Variants in PHKG1 observed in about 807,000 individuals in gnomAD.
PHKG1 encodes the protein phosphorylase kinase catalytic subunit gamma 1.
In PHKG1, 48 loss-of-function variants were observed where a neutral mutation model predicts 50.5. That is an observed-to-expected ratio of 0.95 (90% confidence interval 0.75 to 1.21). The LOEUF (loss-of-function observed/expected upper bound fraction) is 1.21, where lower values mean the gene tolerates loss of function less well. Among genes scored for constraint, PHKG1 ranks in the 50% most tolerant of loss-of-function variants. PHKG1 has a pLI of 0.00. For missense variants in PHKG1, 487 were observed against 519.5 expected (o/e 0.94, Z 0.61); for synonymous variants, 204 against 212.8 (o/e 0.96, Z 0.36).
chr7:56,083,238 AC>A, intron 6 of PHKG1, 39 bp downstream of exon 6: 1 of 1,596,484 alleles, frequency 6.3e-7, no homozygotes, highest in Non-Finnish European at 8.6e-7. Flanking sequence ...TTGATTGAGC[AC>A]CCGAGGCCTG....
At position 56,081,722 on chromosome 7, in the gene PHKG1, G is replaced by A. The variant is rs545839626; in HGVS notation, c.826C>T (p.Arg276Cys). Residue 276 changes from arginine (R) to cysteine (C), a missense_variant, in exon 9 of 10, where the codon CGC becomes TGC. By Grantham distance (180) the Arg-to-Cys change is radical. Transcript: ENST00000297373. The surrounding 1 kb of genome is among the most constrained non-coding windows in gnomAD (Gnocchi z 4.6). ...GCCAAGGCCTCTTCCGCTGTGTAGC[G>A]GTTCTGGGGTTGCACCACCAGGAAT... ...SRFLVVQPQN[R>C]YTAEEALAHP... 4.1e-5 allele frequency: 66 copies of A among 1,613,868 alleles called. 1 individual carries two copies. The highest frequency in any genetic ancestry group is 1.5e-4 in the South Asian group (14 of 91,078).
intron 1 of PHKG1, among the ~76,000 whole-genome samples, chr7:56,091,202 G>A (rs534710290): frequency 6.6e-6 from 1 of 151,866 alleles, no homozygotes; most frequent in Admixed American, 6.6e-5. Flanking sequence ...GACGGAGTGA[G>A]TGAGACTCTG....
intron 1 of PHKG1, among the ~76,000 whole-genome samples, chr7:56,090,771 A>T (rs543128776): frequency 5.9e-5 from 9 of 152,190 alleles, no homozygotes; most frequent in Admixed American, 2.6e-4. Context: ...CTACTTAACA[A>T]TGGCCAGTGA....
chr7:56,092,501 G>GA (rs1352552822), intron 1 of PHKG1, among the ~76,000 whole-genome samples: 3 of 152,172 alleles, frequency 2.0e-5, no homozygotes, highest in African/African-American at 7.2e-5. Flanking sequence ...TTGAACTCCT[G>GA]ACCTCAAGTG....
intron 4 of PHKG1, among the ~76,000 whole-genome samples, chr7:56,084,696 A>G (rs552971385): frequency 6.6e-6 from 1 of 152,090 alleles, no homozygotes; most frequent in African/African-American, 2.4e-5. Context: ...TTTTCCCAGG[A>G]AACAAATGGG....
At chr7:56,083,481 G>A in intron 5 of PHKG1, 40 bp from the exon 6 acceptor site, 1 of 1,608,748 alleles carries the variant, frequency 6.2e-7, no homozygotes, top group Non-Finnish European at 8.5e-7. Flanking sequence ...CCTCTGCTCA[G>A]GGTCAGGTAA....
Position 56,081,245 on chromosome 7 carries a change from C to G in PHKG1, c.973G>C (p.Val325Leu). The G allele has an allele frequency of 6.2e-7, 1 of 1,613,402 alleles. No individual in the cohort carries two copies. Among genetic ancestry groups the G allele is most frequent in the African/African-American group, 1.3e-5 (1 of 75,058 alleles). ...ACGATCTCCCGGGTCACAGGCTTCA[C>G]CCGGCGGTACTGGTAGTAGATCCGC... ...SVRIYYQYRRVKPVTREIVIR... is the reference protein window; with the variant it reads ...SVRIYYQYRRLKPVTREIVIR... The change falls in exon 10 of 10, where the codon GTG becomes CTG. Residue 325 changes from valine to leucine, a missense_variant. Transcript: ENST00000297373. This position sits in a 1 kb window ranked among gnomAD's most constrained non-coding sequence, Gnocchi z 4.6.
At position 56,082,264 on chromosome 7, in the gene PHKG1, A is replaced by G; in HGVS notation, c.548-11T>C. On this transcript the variant is annotated splice_polypyrimidine_tract_variant and intron_variant, in intron 6 of 9. Transcript: ENST00000297373. ...GGGTCCCGCAGACCTCTGCAGGAAC[A>G]GTCATCATCAGGGCAGGTCAGCAGG... 6.2e-7 allele frequency: 1 copy of G among 1,606,368 alleles called. No individual in the cohort carries two copies.
intron 4 of PHKG1, among the ~76,000 whole-genome samples, chr7:56,085,510 A>ATGATGGTGATGATGGTGG (rs1485015523): frequency 1.3e-5 from 2 of 152,220 alleles, no homozygotes; most frequent in Non-Finnish European, 2.9e-5. Flanking sequence ...CAGGGGCATG[A>ATGATGGTGATGATGGTGG]TGATGGTGAT....
chr7:56,089,319 G>A (rs576117702), intron 1 of PHKG1, among the ~76,000 whole-genome samples: 5 of 151,030 alleles, frequency 3.3e-5, no homozygotes, highest in African/African-American at 9.7e-5. Context: ...AGAATCGCTT[G>A]AACCCAGGAG....
chr7:56,087,059 A>C, intron 3 of PHKG1, 35 bp from the exon 4 acceptor site: 2 of 1,575,194 alleles, frequency 1.3e-6, no homozygotes, highest in Non-Finnish European at 1.7e-6. Flanking sequence ...CTCAAGTAGC[A>C]GGGGAGCCCA....
Position 56,087,624 on chromosome 7 carries a change from C to A in PHKG1, c.236G>T (p.Arg79Leu). ...EATLKEVDIL[R>L]KVSGHPNIIQ... ...GATGTTGGGGTGCCCTGAGACCTTGCGCAGGATGTCCACCTCCTTCAGCGT... is the reference window on the plus strand; with the variant it reads ...GATGTTGGGGTGCCCTGAGACCTTGAGCAGGATGTCCACCTCCTTCAGCGT... Residue 79 changes from arginine (R) to leucine (L), a missense_variant, in exon 3 of 10, where the codon CGC (arginine) becomes CTC (leucine). Physicochemically the swap from Arg to Leu is moderately radical, Grantham distance 102 (BLOSUM62 -2). Coordinates refer to ENST00000297373, the MANE Select transcript of PHKG1 (RefSeq NM_006213.5). The A allele has an allele frequency of 6.2e-7, 1 of 1,613,828 alleles. No homozygotes were observed. The highest frequency in any genetic ancestry group is 8.5e-7 in the Non-Finnish European group (1 of 1,179,956).
intron 6 of PHKG1, 59 bp downstream of exon 6, chr7:56,083,219 T>C: frequency 2.0e-6 from 3 of 1,503,692 alleles, no homozygotes; most frequent in South Asian, 1.1e-5. Context: ...ATCTCTATTC[T>C]GCAGATGGTT....
chr7:56,089,151 T>C (rs1048581552), intron 1 of PHKG1, among the ~76,000 whole-genome samples, 176 bp from the exon 2 acceptor site: 1 of 152,060 alleles, frequency 6.6e-6, no homozygotes. Flanking sequence ...ACACCTATAA[T>C]CCCAGACTTT....
intron 4 of PHKG1, chr7:56,084,059 C>T: frequency 1.4e-6 from 1 of 716,512 alleles, no homozygotes. Context: ...GTCCCCTCCC[C>T]AGGTTCCCAT....
chr7:56,081,247 C>T lies in PHKG1; in HGVS notation c.971G>A (p.Arg324Gln), dbSNP rs138170417. Residue 324 changes from arginine (R) to glutamine (Q), a missense_variant, in exon 10 of 10, where the codon CGG (arginine) becomes CAG (glutamine). Transcript: ENST00000297373. The surrounding 1 kb of genome is among the most constrained non-coding windows in gnomAD (Gnocchi z 4.6). ...ASVRIYYQYRRVKPVTREIVI... is the reference protein window; with the variant it reads ...ASVRIYYQYRQVKPVTREIVI... ...GATCTCCCGGGTCACAGGCTTCACC[C>T]GGCGGTACTGGTAGTAGATCCGCAC... 119 of 1,613,170 alleles carry T rather than the reference C, an allele frequency of 7.4e-5. No homozygotes were observed. Among genetic ancestry groups the T allele is most frequent in the Non-Finnish European group, 8.6e-5 (102 of 1,179,944 alleles).
At chr7:56,092,689 C>T (rs548838304) in intron 1 of PHKG1, 147 bp downstream of exon 1, 1 of 152,274 alleles carries the variant, frequency 6.6e-6, no homozygotes, top group African/African-American at 2.4e-5. Context: ...TTTCAAGGGT[C>T]AATGCTGCCA....
chr7:56,087,808 G>C (rs747167471), intron 2 of PHKG1, 32 bp from the exon 3 acceptor site: 1 of 1,587,922 alleles, frequency 6.3e-7, no homozygotes, highest in Non-Finnish European at 8.6e-7. Flanking sequence ...GGCCTCGGGG[G>C]GCCCCTCACC....
In PHKG1 at chr7:56,080,363, A is replaced by C. The variant is rs1314451594; in HGVS notation, c.*691T>G. The C allele has an allele frequency of 1.3e-5, 2 of 149,812 alleles. No homozygotes were observed. The highest frequency in any genetic ancestry group is 5.1e-5 in the African/African-American group (2 of 38,850). The allele number at this position is 149,812 out of a possible 1,614,324, so 9.3% of individuals were successfully genotyped here. A position where few individuals can be genotyped will look rare whatever the true frequency, so the allele number is the denominator to read the frequency against. ...ACTCTAGCCTTGAATTCCTGGGCCCAAGCAATTCTCCCACCTCAGCCTCCT... is the reference window on the plus strand; with the variant it reads ...ACTCTAGCCTTGAATTCCTGGGCCCCAGCAATTCTCCCACCTCAGCCTCCT... On this transcript the variant is annotated 3_prime_UTR_variant, in exon 10 of 10. Coordinates refer to ENST00000297373, the MANE Select transcript of PHKG1 (RefSeq NM_006213.5).
Sources: allele counts gnomAD v4.1 joint callset (sites outside exome capture counted in the v4.1 genomes callset), GRCh38; gene constraint gnomAD v4.1.1; non-coding constraint Gnocchi (gnomAD v3.1); transcripts MANE v1.5; gene names NCBI Gene and HGNC (gene_info 2026-07-23, HGNC 2026-07-21).